The following WDR20 variants were observed in gnomAD, a reference collection of about 807,000 sequenced individuals.
WDR20 encodes the protein WD repeat domain 20, also known as WD repeat-containing protein 20.
In WDR20, 3 loss-of-function variants were observed where a neutral mutation model predicts 38.7. That is an observed-to-expected ratio of 0.08 (90% CI 0.04 to 0.20). The LOEUF (loss-of-function observed/expected upper bound fraction) is 0.20. Among genes scored for constraint, WDR20 ranks in the 10% least tolerant of loss-of-function variants. The pLI is 1.00. For missense variants in WDR20, 559 were observed against 727.7 expected (o/e 0.77, Z 2.67); for synonymous variants, 298 against 285.6 (o/e 1.04, Z -0.44).
At chr14:102,191,196 C>T (rs1421631430) in intron 1 of WDR20, 1 of 152,184 alleles carries the variant, frequency 6.6e-6, no homozygotes, top group East Asian at 1.9e-4. Flanking sequence ...TTGCACTTTG[C>T]CCAAGGCCAC....
At chr14:102,159,993 A>G (rs1034173736) in intron 1 of WDR20, among the ~76,000 whole-genome samples, 6 of 152,066 alleles carry the variant, frequency 3.9e-5, no homozygotes, top group African/African-American at 7.3e-5. Context: ...TAGTCCTGCT[A>G]CTTGGGAGGC....
At chr14:102,213,217 CTTTT>C, downstream of WDR20, 1 of 985,458 alleles carries the variant, frequency 1.0e-6, no homozygotes, top group South Asian at 4.7e-5. Flanking sequence ...TTCTCTGAGG[CTTTT>C]TTCTTATTCA....
chr14:102,156,866 C>G (rs1166547963), intron 1 of WDR20, among the ~76,000 whole-genome samples: 2 of 152,046 alleles, frequency 1.3e-5, no homozygotes, highest in African/African-American at 4.8e-5. Flanking sequence ...TAACAGGCAC[C>G]TGTAATCACA....
intron 1 of WDR20, among the ~76,000 whole-genome samples, chr14:102,188,872 CAAAAAAAAAAA>C (rs34508888): frequency 1.3e-4 from 13 of 97,548 alleles, no homozygotes; most frequent in African/African-American, 4.5e-4. Context: ...GACCCTGTTT[CAAAAAAAAAAA>C]AAAAAAAAAA....
chr14:102,224,392 T>G, downstream of WDR20: 1 of 361,320 alleles, frequency 2.8e-6, no homozygotes, highest in Admixed American at 3.7e-5. Flanking sequence ...CATCTGAGTT[T>G]AGGGCATCCC....
intron 2 of WDR20, among the ~76,000 whole-genome samples, chr14:102,200,396 C>G (rs1238688062): frequency 1.3e-5 from 2 of 151,936 alleles, no homozygotes; most frequent in East Asian, 3.9e-4. Flanking sequence ...GGAGAGTCAC[C>G]CGGTCACATT....
chr14:102,150,557 T>C (rs969096644), intron 1 of WDR20, among the ~76,000 whole-genome samples: 4 of 152,186 alleles, frequency 2.6e-5, no homozygotes, highest in Non-Finnish European at 5.9e-5. Context: ...CATGAAGCTG[T>C]TTTTTTCTTT....
intron 1 of WDR20, among the ~76,000 whole-genome samples, chr14:102,169,188 C>A (rs567754255): frequency 6.6e-6 from 1 of 152,256 alleles, no homozygotes; most frequent in African/African-American, 2.4e-5. Context: ...ATCCTTAGCC[C>A]CTCTGCTTAG....
downstream of WDR20, chr14:102,212,980 AAGTC>A (rs2153034968): frequency 2.0e-6 from 2 of 1,003,486 alleles, no homozygotes; most frequent in African/African-American, 1.7e-5. Flanking sequence ...GCTCAGACGA[AAGTC>A]AGGTGCACGC....
chr14:102,223,092 T>C (rs1020529982), exon 4 of WDR20: 2 of 495,608 alleles, frequency 4.0e-6, no homozygotes, highest in African/African-American at 4.0e-5. Context: ...AACCGGTCTT[T>C]TGGGGCTGCA....
chr14:102,159,513 C>T (rs145888198), intron 1 of WDR20, among the ~76,000 whole-genome samples: 402 of 152,268 alleles, frequency 2.6e-3, no homozygotes, highest in African/African-American at 9.3e-3. Flanking sequence ...TCTTTACTAG[C>T]TTTCTTTGAT....
Position 102,177,064 on chromosome 14 carries a change from C to T in WDR20, c.250-17874C>T, listed in dbSNP as rs1394263875. Among the ~76,000 whole-genome samples, 11 of 152,198 alleles carry T rather than the reference C, an allele frequency of 7.2e-5. 1 individual carries two copies. Among genetic ancestry groups the T allele is most frequent in the Middle Eastern group, 6.8e-3 (2 of 294 alleles). ...ATTTCTACCATGTGGCTAACTTGCC[C>T]GAGATTTGTAATGGTTCACTTTACT... On this transcript the variant is annotated intron_variant, in intron 1 of 2. Coordinates refer to ENST00000342702, the MANE Select transcript of WDR20 (RefSeq NM_144574.4).
At chr14:102,164,125 A>G (rs1285206228) in intron 1 of WDR20, among the ~76,000 whole-genome samples, 1 of 151,762 alleles carries the variant, frequency 6.6e-6, no homozygotes, top group South Asian at 2.1e-4. Flanking sequence ...CCTGACTGAT[A>G]CACTGGAAGT....
intron 1 of WDR20, chr14:102,171,305 C>G (rs2060781965): frequency 7.0e-6 from 1 of 141,960 alleles, no homozygotes; most frequent in Non-Finnish European, 1.5e-5. Context: ...GCTCTGTTAC[C>G]CAAGCTGGAG....
chr14:102,145,988 TG>T (rs1303193582), intron 1 of WDR20, among the ~76,000 whole-genome samples: 4 of 151,708 alleles, frequency 2.6e-5, no homozygotes, highest in South Asian at 4.2e-4. Context: ...TGTACTCAGT[TG>T]TTTTTTTTTT....
chr14:102,175,691 T>C (rs1000336547), intron 1 of WDR20, among the ~76,000 whole-genome samples: 10 of 152,252 alleles, frequency 6.6e-5, no homozygotes, highest in African/African-American at 2.4e-4. Flanking sequence ...TGGCATGGGA[T>C]GTGTTTTCAT....
At chr14:102,186,364 T>C (rs1265261364) in intron 1 of WDR20, among the ~76,000 whole-genome samples, 1 of 152,316 alleles carries the variant, frequency 6.6e-6, no homozygotes, top group East Asian at 1.9e-4. Context: ...ACACATGAAG[T>C]GTGGGCAGTT....
chr14:102,150,525 G>A lies in WDR20; in HGVS notation c.249+10353G>A, dbSNP rs780747523. Among the ~76,000 whole-genome samples, 4 of 152,226 alleles carry A rather than the reference G, an allele frequency of 2.6e-5. 1 individual carries two copies. Among genetic ancestry groups the A allele is most frequent in the South Asian group, 4.2e-4 (2 of 4,810 alleles). On this transcript the variant is annotated intron_variant, in intron 1 of 2. Transcript: ENST00000342702. ...GGAATATTTTAACATCTTAGTTACCGCATTGTAGATTATTGCTCTGCCATG... is the reference window on the plus strand; with the variant it reads ...GGAATATTTTAACATCTTAGTTACCACATTGTAGATTATTGCTCTGCCATG...
intron 2 of WDR20, chr14:102,197,890 A>T (rs1261841583): frequency 1.4e-6 from 1 of 690,628 alleles, no homozygotes; most frequent in Admixed American, 2.1e-5. Flanking sequence ...CCATTGTTTC[A>T]TTCATTCAGG....
Sources: gnomAD v4.1 joint callset for allele counts (sites outside exome capture counted in the v4.1 genomes callset) on GRCh38, gnomAD v4.1.1 for gene constraint, MANE v1.5 for transcripts, NCBI Gene and HGNC (gene_info 2026-07-23, HGNC 2026-07-21) for gene names.